CNTNAP2: variants seen among roughly 807,000 people sequenced by gnomAD.
CNTNAP2 encodes contactin-associated protein-like 2.
In CNTNAP2, 98 loss-of-function variants were observed where a neutral mutation model predicts 155.2. The ratio of observed to expected loss-of-function variants is 0.63; its 90% CI spans 0.54 to 0.75. The LOEUF (loss-of-function observed/expected upper bound fraction) is 0.75. CNTNAP2 is among the 30% of genes least tolerant of loss of function. The probability of loss-of-function intolerance (pLI) is 0.00; values close to 1 mark genes in which losing one functional copy is unlikely to be tolerated. For missense variants in CNTNAP2, 1,727 were observed against 1,688.1 expected, an observed-to-expected ratio of 1.02 and a Z score of -0.40; for synonymous variants, 651 against 631.2, an observed-to-expected ratio of 1.03 and a Z score of -0.47.
At chr7:148,208,104 A>G (rs1177849810) in intron 18 of CNTNAP2, among the ~76,000 whole-genome samples, 1 of 145,060 alleles carries the variant, frequency 6.9e-6, no homozygotes, top group African/African-American at 2.6e-5. Context: ...AAAAAAAAAA[A>G]GAGGTCATCA....
chr7:147,322,243 T>C (rs1042183944), intron 9 of CNTNAP2, among the ~76,000 whole-genome samples: 9 of 152,178 alleles, frequency 5.9e-5, no homozygotes, highest in Non-Finnish European at 1.0e-4. Flanking sequence ...TGGCCACATA[T>C]AGTTGCAAGG....
In CNTNAP2 at chr7:147,144,291, G is replaced by A. The variant is rs1354884812; in HGVS notation, c.1348+11782G>A. On this transcript the variant is annotated intron_variant, in intron 8 of 23. Coordinates refer to ENST00000361727, the MANE Select transcript of CNTNAP2 (RefSeq NM_014141.6). ...AGAGTAACTTTATACGAGACATTAC[G>A]TGTGGACACGGAGAAGTAAATTTCA... is the stretch of plus-strand genomic sequence containing the variant. Among the ~76,000 whole-genome samples the A allele has an allele frequency of 4.6e-5, 7 of 152,242 alleles. No homozygotes were observed. In the South Asian group the frequency reaches 1.2e-3, roughly 27 times the overall value.
intron 2 of CNTNAP2, among the ~76,000 whole-genome samples, chr7:146,800,609 T>A (rs923120619): frequency 1.3e-5 from 2 of 152,168 alleles, no homozygotes; most frequent in African/African-American, 4.8e-5. Flanking sequence ...CACAGAGACA[T>A]TAACTAGAAG....
chr7:146,567,015 T>C (rs1452747491), intron 1 of CNTNAP2, among the ~76,000 whole-genome samples: 10 of 152,246 alleles, frequency 6.6e-5, no homozygotes, highest in Admixed American at 6.5e-4. Flanking sequence ...CAGGAAACTA[T>C]AGACAGCAAC....
chr7:148,408,390 T>C (rs1444435065), intron 22 of CNTNAP2, among the ~76,000 whole-genome samples: 1 of 152,222 alleles, frequency 6.6e-6, no homozygotes, highest in Non-Finnish European at 1.5e-5. Context: ...AAAAGGGCTC[T>C]ACCTGCTTTT....
At chr7:147,635,744 A>G (rs971189945) in intron 12 of CNTNAP2, among the ~76,000 whole-genome samples, 9 of 152,138 alleles carry the variant, frequency 5.9e-5, no homozygotes, top group Admixed American at 1.3e-4. Flanking sequence ...ATTTGGTTTT[A>G]TTTGCTTAAA....
At chr7:146,429,300 T>C (rs183374010) in intron 1 of CNTNAP2, among the ~76,000 whole-genome samples, 6 of 152,322 alleles carry the variant, frequency 3.9e-5, no homozygotes, top group Admixed American at 3.9e-4. Flanking sequence ...GGGAATAGCA[T>C]TGAATCTATA....
At chr7:146,988,455 T>C (rs1244784863) in intron 3 of CNTNAP2, among the ~76,000 whole-genome samples, 2 of 152,134 alleles carry the variant, frequency 1.3e-5, no homozygotes, top group African/African-American at 4.8e-5. Context: ...CTTCCAAAAA[T>C]CTGTTTGAGT....
At chr7:147,883,052 T>C (rs945251364) in intron 13 of CNTNAP2, among the ~76,000 whole-genome samples, 2 of 152,164 alleles carry the variant, frequency 1.3e-5, no homozygotes, top group Non-Finnish European at 2.9e-5. Context: ...GATATAACTG[T>C]ACAGCATGAT....
chr7:146,432,132 C>G (rs961873602), intron 1 of CNTNAP2, among the ~76,000 whole-genome samples: 1 of 151,902 alleles, frequency 6.6e-6, no homozygotes, highest in Non-Finnish European at 1.5e-5. Context: ...ACAGTCACAG[C>G]AAAAAGTCAA....
intron 1 of CNTNAP2, among the ~76,000 whole-genome samples, chr7:146,492,002 T>C (rs1224943893): frequency 6.6e-6 from 1 of 152,198 alleles, no homozygotes; most frequent in East Asian, 1.9e-4. Flanking sequence ...CCTATTGTCT[T>C]GTTTTATTTT....
At chr7:147,848,775 G>C (rs1798864101) in intron 13 of CNTNAP2, among the ~76,000 whole-genome samples, 1 of 151,568 alleles carries the variant, frequency 6.6e-6, no homozygotes, top group Admixed American at 6.6e-5. Flanking sequence ...CAGAAACAGA[G>C]AGAAAGCTTA....
chr7:147,736,198 C>G (rs113865743), intron 13 of CNTNAP2, among the ~76,000 whole-genome samples: 1 of 151,984 alleles, frequency 6.6e-6, no homozygotes, highest in African/African-American at 2.4e-5. Context: ...CCTTCAGGAG[C>G]TCTTTTAGGG....
chr7:147,237,438 A>G (rs1021675529), intron 8 of CNTNAP2, among the ~76,000 whole-genome samples: 1 of 152,144 alleles, frequency 6.6e-6, no homozygotes, highest in Non-Finnish European at 1.5e-5. Flanking sequence ...ATGTGCCACC[A>G]TATTTCTGCA....
At chr7:146,711,597 C>A (rs1801073464) in intron 1 of CNTNAP2, among the ~76,000 whole-genome samples, 1 of 149,322 alleles carries the variant, frequency 6.7e-6, no homozygotes, top group African/African-American at 2.4e-5. Context: ...AGTTTCTAAT[C>A]ATGGAATTAA....
chr7:147,750,989 G>A (rs368312511), intron 13 of CNTNAP2, among the ~76,000 whole-genome samples: 126 of 152,140 alleles, frequency 8.3e-4, no homozygotes, highest in African/African-American at 2.8e-3. Flanking sequence ...GCAGTGAGCC[G>A]AGATCGCACC....
chr7:147,705,083 A>G (rs1312714980), intron 13 of CNTNAP2, among the ~76,000 whole-genome samples: 5 of 151,620 alleles, frequency 3.3e-5, no homozygotes, highest in African/African-American at 7.3e-5. Context: ...AATTTTTATT[A>G]TGTATTTCCT....
intron 1 of CNTNAP2, among the ~76,000 whole-genome samples, chr7:146,572,445 T>C (rs147946558): frequency 1.4e-3 from 206 of 152,260 alleles, no homozygotes; most frequent in African/African-American, 4.6e-3. Context: ...TCATTTTCTT[T>C]ACTTGATCTT....
At chr7:148,141,203 T>C (rs73744756) in intron 16 of CNTNAP2, among the ~76,000 whole-genome samples, 11,031 of 152,346 alleles carry the variant, frequency 0.072, 710 homozygotes, top group African/African-American at 0.17. Flanking sequence ...CCAAGGTCCC[T>C]GTTCCTACAA....
Sources: gnomAD v4.1 joint callset for allele counts (sites outside exome capture counted in the v4.1 genomes callset) on GRCh38, gnomAD v4.1.1 for gene constraint, MANE v1.5 for transcripts, NCBI Gene and HGNC (gene_info 2026-07-23, HGNC 2026-07-21) for gene names.